The following FER variants were observed in gnomAD, a reference collection of about 807,000 sequenced individuals.
FER encodes the protein tyrosine-protein kinase Fer.
In FER, 63 loss-of-function variants were observed where a neutral mutation model predicts 111.0. The ratio of observed to expected loss-of-function variants is 0.57; its 90% CI spans 0.46 to 0.70. The LOEUF (loss-of-function observed/expected upper bound fraction) is 0.70. Ranked by LOEUF, FER falls within the 30% of genes least tolerant of loss-of-function variation. The pLI is 0.00. For synonymous variants in FER, 327 were observed against 313.9 expected (o/e 1.04, Z -0.44); for missense variants, 914 against 954.0 (o/e 0.96, Z 0.55).
chr5:108,870,404 TATG>T (rs1038253382), intron 6 of FER, among the ~76,000 whole-genome samples: 84 of 152,156 alleles, frequency 5.5e-4, no homozygotes, highest in African/African-American at 1.8e-3. Context: ...TACTTTTACT[TATG>T]AGATTATAAT....
At chr5:109,130,951 T>A (rs1023314304) in intron 17 of FER, among the ~76,000 whole-genome samples, 1 of 152,200 alleles carries the variant, frequency 6.6e-6, no homozygotes, top group Non-Finnish European at 1.5e-5. Context: ...TATCACTTGC[T>A]GTTTTATACT....
intron 17 of FER, among the ~76,000 whole-genome samples, chr5:109,159,462 A>C (rs1306019658): frequency 6.6e-6 from 1 of 152,224 alleles, no homozygotes; most frequent in Non-Finnish European, 1.5e-5. Context: ...TGAATGAATG[A>C]ATTCATGCTG....
At chr5:109,042,878 G>A (rs116199071) in intron 14 of FER, among the ~76,000 whole-genome samples, 2,029 of 152,208 alleles carry the variant, frequency 0.013, 57 homozygotes, top group African/African-American at 0.046. Context: ...GTTATAATGT[G>A]GAGCTATATA....
chr5:108,944,810 A>G (rs1430760699), intron 10 of FER, among the ~76,000 whole-genome samples: 1 of 148,744 alleles, frequency 6.7e-6, no homozygotes, highest in Non-Finnish European at 1.5e-5. Context: ...TTTTGATAAT[A>G]TGTTTTTAGG....
intron 1 of FER, among the ~76,000 whole-genome samples, chr5:108,751,356 A>G (rs1315041465): frequency 6.6e-6 from 1 of 152,188 alleles, no homozygotes; most frequent in Non-Finnish European, 1.5e-5. Flanking sequence ...ACTTAATTAC[A>G]TGAGACTATT....
At chr5:109,098,103 A>G (rs72796566) in intron 16 of FER, among the ~76,000 whole-genome samples, 11,613 of 151,874 alleles carry the variant, frequency 0.076, 501 homozygotes, top group Middle Eastern at 0.13. Flanking sequence ...ATCTTTGACT[A>G]TGTTACAGTA....
intron 17 of FER, among the ~76,000 whole-genome samples, chr5:109,106,273 A>T (rs1315116556): frequency 6.6e-6 from 1 of 152,240 alleles, no homozygotes; most frequent in Non-Finnish European, 1.5e-5. Flanking sequence ...ACAAACCAAG[A>T]TGTTTTTATC....
intron 1 of FER, among the ~76,000 whole-genome samples, chr5:108,751,292 T>G (rs1249794163): frequency 6.6e-6 from 1 of 152,120 alleles, no homozygotes; most frequent in African/African-American, 2.4e-5. Context: ...CACCAAATTA[T>G]AAGGTGCTTA....
chr5:108,750,355 G>A (rs1340775468), intron 1 of FER, among the ~76,000 whole-genome samples: 1 of 152,024 alleles, frequency 6.6e-6, no homozygotes. Context: ...AGACATTTGT[G>A]AGTAGCTCCA....
Position 109,126,312 on chromosome 5 carries a change from GCACT to G in FER, c.2048+25795_2048+25798del, listed in dbSNP as rs1751715178. 2.6e-5 allele frequency among the ~76,000 whole-genome samples: 4 copies of G among 152,192 alleles called. No homozygotes were observed. In the South Asian group the frequency reaches 8.3e-4, roughly 32 times the overall value. On this transcript the variant is annotated intron_variant, in intron 17 of 19. Coordinates refer to ENST00000281092, the MANE Select transcript of FER (RefSeq NM_005246.4). The stretch of plus-strand genomic sequence containing the variant: ...GTTTGCATGCTTGCTATATCTTTAA[GCACT>G]CTAGCCTTCATTCCTCTTAGAAGGG...
rs532650148 is a variant in FER at position 108,811,128 on chromosome 5, C to G, written c.207+12739C>G. ...GGGTAGGGCATCCCAGGCTGCTGAA[C>G]CAGGCAAGTGGGTGCTCTGAATGCC... On this transcript the variant is annotated intron_variant, in intron 3 of 19. Transcript: ENST00000281092. Among the ~76,000 whole-genome samples, 8 of 152,150 alleles carry G rather than the reference C, an allele frequency of 5.3e-5. No homozygotes were observed. The South Asian group carries it at 1.7e-3, about 32-fold the overall frequency.
intron 14 of FER, among the ~76,000 whole-genome samples, chr5:109,039,002 G>T (rs1029262250): frequency 3.3e-5 from 5 of 152,008 alleles, no homozygotes; most frequent in African/African-American, 1.2e-4. Flanking sequence ...ATAGAAGACT[G>T]TGACTTTGAG....
chr5:108,794,136 T>C (rs752938025), intron 2 of FER, among the ~76,000 whole-genome samples: 17 of 152,210 alleles, frequency 1.1e-4, no homozygotes, highest in Non-Finnish European at 2.1e-4. Context: ...CCAGTGAGTT[T>C]TGTACCTTCA....
chr5:108,955,432 G>A (rs143979724), intron 12 of FER, among the ~76,000 whole-genome samples: 5 of 151,670 alleles, frequency 3.3e-5, no homozygotes, highest in African/African-American at 9.6e-5. Context: ...TTGTTTATTG[G>A]CATTAATAAT....
rs368371258 is a variant in FER at position 108,946,098 on chromosome 5, G to A, written c.1237-32G>A. On this transcript the variant is annotated intron_variant, in intron 10 of 19. Transcript: ENST00000281092. ...GTCTATACATATTGGATAGTTTACT[G>A]TTGCTGAAGGCTTGTTTCTTAATCC... 4.0e-6 allele frequency: 6 copies of A among 1,500,870 alleles called. No individual in the cohort carries two copies. The South Asian group carries it at 5.6e-5, about 14-fold the overall frequency. 93.0% of individuals were successfully genotyped at this position (1,500,870 alleles called of 1,614,324 possible). A position where few individuals can be genotyped will look rare whatever the true frequency, so the allele number is the denominator to read the frequency against.
In FER at chr5:109,163,511, A is replaced by G. The variant is rs148611352; in HGVS notation, c.2049-17236A>G. Among the ~76,000 whole-genome samples the G allele has an allele frequency of 3.6e-3, 545 of 152,312 alleles. 2 individuals carry two copies. Among genetic ancestry groups the G allele is most frequent in the African/African-American group, 0.013 (523 of 41,568 alleles). On this transcript the variant is annotated intron_variant, in intron 17 of 19. Transcript: ENST00000281092. ...CACTTTGTGTTCTCACCAACAATGT[A>G]TGACAGCTGCTATTTCTTCATGTCT...
At chr5:109,046,088 A>T (rs17534347) in intron 15 of FER, among the ~76,000 whole-genome samples, 1 of 151,928 alleles carries the variant, frequency 6.6e-6, no homozygotes, top group Admixed American at 6.6e-5. Context: ...TCCTACTTTC[A>T]TAGCCCTCTG....
intron 13 of FER, among the ~76,000 whole-genome samples, chr5:108,976,762 T>G (rs540970550): frequency 6.6e-6 from 1 of 152,352 alleles, no homozygotes; most frequent in East Asian, 1.9e-4. Flanking sequence ...CTGTATTTAT[T>G]GATACCGTAA....
rs985710088 is a variant in FER at position 109,174,141 on chromosome 5, C to G, written c.2049-6606C>G. Among the ~76,000 whole-genome samples, 9 of 151,848 alleles carry G rather than the reference C, an allele frequency of 5.9e-5. No individual in the cohort carries two copies. In the East Asian group the frequency reaches 1.2e-3, roughly 20 times the overall value. Reference sequence around the variant, plus strand: ...CTGTTAGTAATGGGCACAGAACTTGCCAGAGAGAGGTATGAAGTGCGGTAA... The same window carrying G: ...CTGTTAGTAATGGGCACAGAACTTGGCAGAGAGAGGTATGAAGTGCGGTAA... On this transcript the variant is annotated intron_variant, in intron 17 of 19. Transcript: ENST00000281092.
Sources: allele counts gnomAD v4.1 joint callset (sites outside exome capture counted in the v4.1 genomes callset), GRCh38; gene constraint gnomAD v4.1.1; transcripts MANE v1.5; gene names NCBI Gene and HGNC (gene_info 2026-07-23, HGNC 2026-07-21).